ARID1B: variants seen among roughly 807,000 people sequenced by gnomAD.
ARID1B encodes the protein AT-rich interaction domain 1B, also known as AT-rich interactive domain-containing protein 1B.
Under a neutral mutation model 212.3 loss-of-function variants are expected in ARID1B, and 30 were observed. The ratio of observed to expected loss-of-function variants is 0.14; its 90% CI spans 0.11 to 0.19. The LOEUF (loss-of-function observed/expected upper bound fraction) is 0.19. ARID1B is among the 10% of genes least tolerant of loss of function. The pLI, the probability that ARID1B is intolerant of heterozygous loss-of-function variation, is 1.00. For synonymous variants in ARID1B, 1,402 were observed against 1,301.7 expected (o/e 1.08, Z -1.66); for missense variants, 2,891 against 3,204.0 (o/e 0.90, Z 2.36).
chr6:156,891,749 C>T (rs1787940318), intron 2 of ARID1B, among the ~76,000 whole-genome samples: 1 of 152,042 alleles, frequency 6.6e-6, no homozygotes, highest in African/African-American at 2.4e-5. Flanking sequence ...CCCCCTCAAA[C>T]CAGTTCCCTG....
At chr6:156,871,681 G>C (rs1562449292) in intron 2 of ARID1B, 2 of 1,607,814 alleles carry the variant, frequency 1.2e-6, no homozygotes, top group East Asian at 4.5e-5. Context: ...GCTCTTACTT[G>C]CTCCAAGTCT....
intron 4 of ARID1B, among the ~76,000 whole-genome samples, chr6:157,006,124 A>G (rs1266933485): frequency 6.6e-6 from 1 of 152,084 alleles, no homozygotes; most frequent in Non-Finnish European, 1.5e-5. Context: ...ATCTGATCTC[A>G]CTGTTAGGGA....
intron 1 of ARID1B, among the ~76,000 whole-genome samples, chr6:156,804,867 CA>C (rs61315445): frequency 0.17 from 14,098 of 85,044 alleles, 309 homozygotes; most frequent in Middle Eastern, 0.22. Flanking sequence ...ATCTGATTGG[CA>C]AAAAAAAAAA....
chr6:156,869,845 C>T (rs1785982455), intron 2 of ARID1B, among the ~76,000 whole-genome samples: 1 of 152,178 alleles, frequency 6.6e-6, no homozygotes, highest in African/African-American at 2.4e-5. Context: ...TAAAATCACA[C>T]TTAACAACTT....
intron 3 of ARID1B, among the ~76,000 whole-genome samples, chr6:156,930,917 A>G (rs1461298761): frequency 2.0e-5 from 3 of 152,220 alleles, no homozygotes; most frequent in Non-Finnish European, 4.4e-5. Context: ...TAGGCCAGGC[A>G]GAGTGGCTTA....
chr6:156,863,940 C>T (rs1785508107), intron 2 of ARID1B, among the ~76,000 whole-genome samples: 5 of 152,152 alleles, frequency 3.3e-5, no homozygotes, highest in Admixed American at 2.6e-4. Context: ...CTTCTTGGGC[C>T]TCACTAGTTC....
chr6:157,149,616 A>T (rs918371946), intron 8 of ARID1B: 1 of 152,268 alleles, frequency 6.6e-6, no homozygotes, highest in African/African-American at 2.4e-5. Context: ...TTAAAAATTA[A>T]TTTTGAAGTA....
At position 156,778,836 on chromosome 6, in the gene ARID1B, C is replaced by T. The variant is rs2114987328; in HGVS notation, c.1156C>T (p.Arg386Trp). The part of the protein sequence containing the change: ...SQCNHYPGYS[R>W]PGAGGGGGGG... ...GTGCAACCATTATCCGGGCTACAGCCGGCCCGGCGCGGGCGGCGGCGGCGG... is the reference window on the plus strand; with the variant it reads ...GTGCAACCATTATCCGGGCTACAGCTGGCCCGGCGCGGGCGGCGGCGGCGG... The change falls in exon 1 of 20, where the codon CGG becomes TGG. Residue 386 changes from arginine (R) to tryptophan (W), a missense_variant. Arg to Trp is a moderately radical substitution (Grantham distance 101, BLOSUM62 -3). Transcript: ENST00000636930. The T allele has an allele frequency of 2.1e-6, 3 of 1,416,340 alleles. No individual in the cohort carries two copies. Among genetic ancestry groups the T allele is most frequent in the Non-Finnish European group, 2.8e-6 (3 of 1,082,550 alleles). 87.7% of individuals were successfully genotyped at this position (1,416,340 alleles called of 1,614,324 possible). A position where few individuals can be genotyped will look rare whatever the true frequency, so the allele number is the denominator to read the frequency against.
chr6:156,999,153 C>T lies in ARID1B; in HGVS notation c.2247+63577C>T, dbSNP rs73578072. On this transcript the variant is annotated intron_variant, in intron 4 of 19. Transcript: ENST00000636930. ...GACTGGATGCGCCATGAGTCCTGTA[C>T]TTACGTATGAGGCACAGCTGCTTTC... Among the ~76,000 whole-genome samples the T allele has an allele frequency of 9.8e-3, 1,491 of 152,324 alleles. 35 individuals are homozygous for T. The highest frequency in any genetic ancestry group is 0.033 in the African/African-American group (1,385 of 41,572).
intron 15 of ARID1B, chr6:157,193,913 T>TA (rs1207500924): frequency 6.6e-6 from 1 of 152,192 alleles, no homozygotes; most frequent in Non-Finnish European, 1.5e-5. Flanking sequence ...GTAAAGCAGG[T>TA]ATTGGCAAAG....
Position 157,203,985 on chromosome 6 carries a change from A to G in ARID1B, c.5383A>G (p.Asn1795Asp). 1.2e-6 allele frequency: 2 copies of G among 1,614,052 alleles called. No individual in the cohort carries two copies. The highest frequency in any genetic ancestry group is 1.7e-6 in the Non-Finnish European group (2 of 1,179,948). Residue 1795 changes from asparagine (N) to aspartate (D), a missense_variant, in exon 19 of 20, where the codon AAT becomes GAT. By Grantham distance (23) the Asn-to-Asp change is conservative (BLOSUM62 1). This residue lies in a region of ARID1B where 332 missense variants were observed against 369.2 expected (regional missense o/e 0.90). Coordinates refer to ENST00000636930, the MANE Select transcript of ARID1B (RefSeq NM_001374828.1). This position sits in a 1 kb window ranked among gnomAD's most constrained non-coding sequence, Gnocchi z 4.4. ...LYDDSTVATF[N>D]LSQLSGFLEL... Reference sequence around the variant, plus strand: ...TGATGACAGCACTGTTGCTACTTTCAATCTCTCCCAGGTAAGCCAGCATAG... The same window carrying G: ...TGATGACAGCACTGTTGCTACTTTCGATCTCTCCCAGGTAAGCCAGCATAG...
chr6:156,940,578 T>C (rs1304685579), intron 4 of ARID1B: 1 of 152,226 alleles, frequency 6.6e-6, no homozygotes, highest in Admixed American at 6.5e-5. Context: ...CCAAGAATAT[T>C]CTTGGGGCTT....
At chr6:156,854,160 A>G (rs148471311) in intron 2 of ARID1B, among the ~76,000 whole-genome samples, 179 of 152,334 alleles carry the variant, frequency 1.2e-3, no homozygotes, top group African/African-American at 4.2e-3. Flanking sequence ...GTCGTTCTTC[A>G]GGGAGTTGTG....
At chr6:156,893,045 C>CTTTTTTGTTTTTTTTTTTTT (rs1554263983) in intron 2 of ARID1B, among the ~76,000 whole-genome samples, 2 of 85,924 alleles carry the variant, frequency 2.3e-5, no homozygotes, top group African/African-American at 9.4e-5. Flanking sequence ...TTTTTTCTTC[C>CTTTTTTGTTTTTTTTTTTTT]TTTTTTTTTT....
chr6:156,959,333 T>A (rs6936665), intron 4 of ARID1B, among the ~76,000 whole-genome samples: 1 of 152,156 alleles, frequency 6.6e-6, no homozygotes, highest in African/African-American at 2.4e-5. Flanking sequence ...TTTTGTATCA[T>A]CTCTAGATTA....
chr6:156,934,915 TATATA>T (rs1792045425), intron 3 of ARID1B, among the ~76,000 whole-genome samples: 566 of 38,974 alleles, frequency 0.015, 18 homozygotes, highest in African/African-American at 0.024. Flanking sequence ...TTGTTAATTA[TATATA>T]TATATATATA....
At chr6:157,140,315 C>A (rs1390641542) in intron 7 of ARID1B, among the ~76,000 whole-genome samples, 2 of 151,830 alleles carry the variant, frequency 1.3e-5, no homozygotes, top group Non-Finnish European at 2.9e-5. Flanking sequence ...ATTAAAAATA[C>A]AAATATTAGC....
In ARID1B at chr6:157,151,438, A is replaced by T. The variant is rs945090493; in HGVS notation, c.3089+2487A>T. 1.3e-5 allele frequency: 2 copies of T among 152,124 alleles called. 1 individual carries two copies. Among genetic ancestry groups the T allele is most frequent in the South Asian group, 4.1e-4 (2 of 4,826 alleles). 9.4% of individuals were successfully genotyped at this position (152,124 alleles called of 1,614,324 possible). ...AATGTCTGTGCCAAAAACTTCTATT[A>T]TTTTTTCTCCAGCGAGTATCAGAAT... On this transcript the variant is annotated intron_variant, in intron 8 of 19. Coordinates refer to ENST00000636930, the MANE Select transcript of ARID1B (RefSeq NM_001374828.1).
chr6:157,039,405 A>G (rs1781563185), intron 4 of ARID1B, among the ~76,000 whole-genome samples: 1 of 134,890 alleles, frequency 7.4e-6, no homozygotes, highest in Non-Finnish European at 1.5e-5. Flanking sequence ...ATCTCGGCTC[A>G]CTGCAAGCTC....
Sources: allele counts gnomAD v4.1 joint callset (sites outside exome capture counted in the v4.1 genomes callset), GRCh38; gene constraint gnomAD v4.1.1; regional missense constraint gnomAD v4.1.1; non-coding constraint Gnocchi (gnomAD v3.1); transcripts MANE v1.5; gene names NCBI Gene and HGNC (gene_info 2026-07-23, HGNC 2026-07-21).